TFPI: variants seen among roughly 807,000 people sequenced by gnomAD.
The protein encoded by TFPI is tissue factor pathway inhibitor.
TFPI carries 15 observed loss-of-function variants against 34.6 expected under a neutral mutation model. That is an observed-to-expected ratio of 0.43 (90% CI 0.29 to 0.67). The LOEUF (loss-of-function observed/expected upper bound fraction) is 0.67. TFPI is among the 30% of genes least tolerant of loss of function. TFPI has a pLI of 0.15. For missense variants in TFPI, 301 were observed against 364.0 expected (o/e 0.83, Z 1.41); for synonymous variants, 105 against 120.1 (o/e 0.87, Z 0.82).
chr2:187,551,913 C>T (rs978218115), intron 1 of TFPI, among the ~76,000 whole-genome samples: 2 of 151,872 alleles, frequency 1.3e-5, no homozygotes, highest in African/African-American at 4.8e-5. Context: ...AAAAGGATGG[C>T]TGGTTGTAGA....
intron 2 of TFPI, among the ~76,000 whole-genome samples, chr2:187,498,175 G>A (rs1283499606): frequency 6.6e-6 from 1 of 151,766 alleles, no homozygotes; most frequent in African/African-American, 2.4e-5. Flanking sequence ...AAAAGAATGA[G>A]ACTTTAATAT....
At chr2:187,478,542 A>G in intron 6 of TFPI, 1 of 1,242,082 alleles carries the variant, frequency 8.1e-7, no homozygotes, top group Non-Finnish European at 1.1e-6. Flanking sequence ...TTTGCTAGTT[A>G]GACATTTACA....
At chr2:187,503,521 T>A in intron 2 of TFPI, 127 bp downstream of exon 2, 4 of 1,013,182 alleles carry the variant, frequency 3.9e-6, no homozygotes, top group Non-Finnish European at 5.6e-6. Flanking sequence ...TATAATAAAT[T>A]TCCAAAGAAA....
At chr2:187,510,114 G>A (rs1378290136) in intron 1 of TFPI, among the ~76,000 whole-genome samples, 1 of 152,162 alleles carries the variant, frequency 6.6e-6, no homozygotes, top group African/African-American at 2.4e-5. Flanking sequence ...CTAGACACAT[G>A]TCAGAGATGA....
chr2:187,488,419 AAAGT>A (rs1366655115), intron 3 of TFPI, 44 bp from the exon 4 acceptor site: 3 of 1,269,798 alleles, frequency 2.4e-6, no homozygotes, highest in Non-Finnish European at 3.2e-6. Context: ...CACAATTTAT[AAAGT>A]AATACTATGA....
intron 3 of TFPI, among the ~76,000 whole-genome samples, chr2:187,488,809 T>C (rs1183890837): frequency 6.6e-6 from 1 of 151,536 alleles, no homozygotes; most frequent in Non-Finnish European, 1.5e-5. Context: ...CCTTATTCTT[T>C]CCCCTGCTTC....
intron 1 of TFPI, 107 bp downstream of exon 1, chr2:187,554,093 G>T (rs1399747065): frequency 1.3e-5 from 2 of 152,062 alleles, no homozygotes; most frequent in African/African-American, 4.8e-5. Flanking sequence ...AATAAACAGT[G>T]ATCCTCCCCT....
chr2:187,553,977 A>T (rs1254570369), intron 1 of TFPI, among the ~76,000 whole-genome samples: 2 of 152,206 alleles, frequency 1.3e-5, no homozygotes, highest in Non-Finnish European at 2.9e-5. Flanking sequence ...TAAAAATTGC[A>T]CATAAATTTG....
chr2:187,494,222 C>G (rs1045234611), intron 3 of TFPI, among the ~76,000 whole-genome samples: 4 of 147,258 alleles, frequency 2.7e-5, no homozygotes, highest in African/African-American at 7.5e-5. Flanking sequence ...TCCCACCAGT[C>G]CCTCCCACAA....
rs368882303 is a variant in TFPI at position 187,539,852 on chromosome 2, A to G, written c.-3+14348T>C. On this transcript the variant is annotated intron_variant, in intron 1 of 7. Coordinates refer to ENST00000233156, the MANE Select transcript of TFPI (RefSeq NM_006287.6). ...TGTATTCAACATGCTTATTCAGAGA[A>G]TTCCTGACATCTTTAACATCACAAC... Among the ~76,000 whole-genome samples, 34 of 151,990 alleles carry G rather than the reference A, an allele frequency of 2.2e-4. No homozygotes were observed. The East Asian group carries it at 6.4e-3, about 29-fold the overall frequency.
Position 187,466,165 on chromosome 2 carries a change from A to C in TFPI, c.*771T>G, listed in dbSNP as rs1459034325. ...TGGGAAGCATAGTATTAAGAAGTAC[A>C]TATAAATAATTCCCTCTCGATTGCC... On this transcript the variant is annotated 3_prime_UTR_variant, in exon 8 of 8. Transcript: ENST00000233156. The C allele has an allele frequency of 1.3e-5, 2 of 152,190 alleles. No individual in the cohort carries two copies. The highest frequency in any genetic ancestry group is 2.9e-5 in the Non-Finnish European group (2 of 68,032). The allele number at this position is 152,190 out of a possible 1,614,324, so 9.4% of individuals were successfully genotyped here. A position where few individuals can be genotyped will look rare whatever the true frequency, so the allele number is the denominator to read the frequency against.
intron 5 of TFPI, 87 bp from the exon 6 acceptor site, chr2:187,484,303 C>T: frequency 8.9e-7 from 1 of 1,121,932 alleles, no homozygotes; most frequent in Non-Finnish European, 1.3e-6. Context: ...GTTAAAAAAG[C>T]AGACTTCTGG....
intron 6 of TFPI, among the ~76,000 whole-genome samples, chr2:187,477,894 G>C (rs1406186667): frequency 6.6e-6 from 1 of 152,166 alleles, no homozygotes; most frequent in African/African-American, 2.4e-5. Context: ...AGGATCTTCA[G>C]GATGTCATCC....
chr2:187,532,825 A>G (rs951897907), intron 1 of TFPI, among the ~76,000 whole-genome samples: 1 of 152,130 alleles, frequency 6.6e-6, no homozygotes, highest in African/African-American at 2.4e-5. Context: ...GCTAAGATCC[A>G]CTGGTTTGAA....
In TFPI at chr2:187,475,876, C is replaced by T. The variant is rs557698931; in HGVS notation, c.629-7944G>A. 7.2e-5 allele frequency among the ~76,000 whole-genome samples: 11 copies of T among 152,228 alleles called. No individual in the cohort carries two copies. The South Asian group carries it at 2.1e-3, about 29-fold the overall frequency. On this transcript the variant is annotated intron_variant, in intron 6 of 7. Coordinates refer to ENST00000233156, the MANE Select transcript of TFPI (RefSeq NM_006287.6). Reference sequence around the variant, plus strand: ...ACAACTTCTCCTTTAGAACTGATGTCCAAATTCCCTCTTTTCTGAAGCTCA... The same window carrying T: ...ACAACTTCTCCTTTAGAACTGATGTTCAAATTCCCTCTTTTCTGAAGCTCA...
chr2:187,530,981 A>G (rs1687929548), intron 1 of TFPI, among the ~76,000 whole-genome samples: 2 of 152,202 alleles, frequency 1.3e-5, no homozygotes, highest in South Asian at 4.1e-4. Context: ...AGGGAAGACA[A>G]TTATTACTTA....
chr2:187,464,439 C>T lies in TFPI; in HGVS notation c.*2497G>A, dbSNP rs1021836467. ...TAAAGGAAGACAATAACATCAAGAT[C>T]TTTTTCCAAAACACGGTAAAAATAA... On this transcript the variant is annotated 3_prime_UTR_variant, in exon 8 of 8. Transcript: ENST00000233156. The T allele has an allele frequency of 2.0e-4, 30 of 152,218 alleles. No homozygotes were observed. Among genetic ancestry groups the T allele is most frequent in the African/African-American group, 7.2e-4 (30 of 41,552 alleles). The allele number at this position is 152,218 out of a possible 1,614,324, so 9.4% of individuals were successfully genotyped here.
At chr2:187,473,532 T>C (rs1692184075) in intron 6 of TFPI, among the ~76,000 whole-genome samples, 2 of 152,146 alleles carry the variant, frequency 1.3e-5, no homozygotes, top group South Asian at 4.1e-4. Flanking sequence ...ATTCAAATTC[T>C]TTGCAATCAT....
rs537987101 is a variant in TFPI, at chr2:187,484,935, A to G, written c.411T>C (p.Tyr137=). 6.3e-7 allele frequency: 1 copy of G among 1,577,784 alleles called. No individual in the cohort carries two copies. The highest frequency in any genetic ancestry group is 2.3e-5 in the East Asian group (1 of 42,736). ...GATTGTTATAAAAATACCTGGTAAT[A>G]TAACCTCGACATATTCCAGGATCTT... ...LEEDPGICRG[Y]ITRYFYNNQT... The change falls in exon 5 of 8, where the codon TAT becomes TAC. Residue 137 remains tyrosine, a synonymous_variant. Transcript: ENST00000233156.
Sources: gnomAD v4.1 joint callset for allele counts (sites outside exome capture counted in the v4.1 genomes callset) on GRCh38, gnomAD v4.1.1 for gene constraint, MANE v1.5 for transcripts, NCBI Gene and HGNC (gene_info 2026-07-23, HGNC 2026-07-21) for gene names.